The following GCNT1 variants were observed in gnomAD, a reference collection of about 807,000 sequenced individuals.
GCNT1 encodes beta-1,3-galactosyl-O-glycosyl-glycoprotein beta-1,6-N-acetylglucosaminyltransferase.
GCNT1 carries 16 observed loss-of-function variants against 26.2 expected under a neutral mutation model. That is an observed-to-expected ratio of 0.61 (90% CI 0.41 to 0.93). The LOEUF (loss-of-function observed/expected upper bound fraction) is 0.93, where lower values mean the gene tolerates loss of function less well. Among genes scored for constraint, GCNT1 ranks in the 40% least tolerant of loss-of-function variants. The pLI, the probability that GCNT1 is intolerant of heterozygous loss-of-function variation, is 0.00. For missense variants in GCNT1, 477 were observed against 526.7 expected (o/e 0.91, Z 0.92); for synonymous variants, 183 against 190.8 (o/e 0.96, Z 0.34).
upstream of GCNT1, among the ~76,000 whole-genome samples, chr9:76,415,458 T>C (rs1823124803): frequency 6.6e-6 from 1 of 152,220 alleles, no homozygotes; most frequent in South Asian, 2.1e-4. Flanking sequence ...TCTCACATAT[T>C]TGTCAGAGTC....
At chr9:76,464,301 C>T (rs1400900487) in intron 2 of GCNT1, among the ~76,000 whole-genome samples, 2 of 152,138 alleles carry the variant, frequency 1.3e-5, no homozygotes, top group African/African-American at 2.4e-5. Context: ...ACTGCAACCT[C>T]CACCTCCCAG....
At chr9:76,450,414 T>C (rs1458069483) in intron 1 of GCNT1, among the ~76,000 whole-genome samples, 1 of 152,258 alleles carries the variant, frequency 6.6e-6, no homozygotes, top group Non-Finnish European at 1.5e-5. Flanking sequence ...CTGAAATCTT[T>C]GTGTATTTGT....
chr9:76,498,229 G>A (rs1824963349), intron 2 of GCNT1, among the ~76,000 whole-genome samples: 1 of 152,050 alleles, frequency 6.6e-6, no homozygotes, highest in African/African-American at 2.4e-5. Context: ...TCAGTTCACG[G>A]TCATTTGGCT....
intron 1 of GCNT1, among the ~76,000 whole-genome samples, chr9:76,427,657 A>G (rs113987382): frequency 6.6e-4 from 100 of 152,330 alleles, no homozygotes; most frequent in African/African-American, 2.1e-3. Flanking sequence ...TAGTTTATAC[A>G]TGTGAAAAAT....
intron 3 of GCNT1, among the ~76,000 whole-genome samples, chr9:76,501,371 T>G (rs934747250): frequency 6.6e-6 from 1 of 152,230 alleles, no homozygotes; most frequent in Non-Finnish European, 1.5e-5. Flanking sequence ...ATAGTAAAAG[T>G]GGGTTGTGTT....
intron 2 of GCNT1, among the ~76,000 whole-genome samples, chr9:76,460,733 A>G (rs1414303821): frequency 6.7e-6 from 1 of 149,582 alleles, no homozygotes; most frequent in Non-Finnish European, 1.5e-5. Context: ...AATACAATAT[A>G]CCAAACTATG....
upstream of GCNT1, among the ~76,000 whole-genome samples, chr9:76,441,372 C>T (rs1823481953): frequency 2.0e-5 from 3 of 152,098 alleles, no homozygotes; most frequent in Non-Finnish European, 4.4e-5. Context: ...TCTCAAACTC[C>T]TGACTTCAGG....
chr9:76,400,313 AC>A, the GCNT1 span, among the ~76,000 whole-genome samples: 1 of 152,064 alleles, frequency 6.6e-6, no homozygotes, highest in Non-Finnish European at 1.5e-5. Flanking sequence ...CACCTTCCAC[AC>A]CTAAATAGTT....
chr9:76,417,159 A>G (rs981647773), upstream of GCNT1, among the ~76,000 whole-genome samples: 9 of 152,248 alleles, frequency 5.9e-5, no homozygotes, highest in African/African-American at 2.2e-4. Flanking sequence ...GTTATTTATG[A>G]AGCTCATGAA....
intron 1 of GCNT1, among the ~76,000 whole-genome samples, chr9:76,422,575 G>A (rs1388833811): frequency 2.0e-5 from 3 of 151,984 alleles, no homozygotes; most frequent in Non-Finnish European, 4.4e-5. Flanking sequence ...ACAGGGTTTT[G>A]CTCTATCACC....
chr9:76,450,103 A>G (rs1823641174), intron 1 of GCNT1, among the ~76,000 whole-genome samples: 1 of 152,016 alleles, frequency 6.6e-6, no homozygotes. Context: ...ATTATATGTA[A>G]CTGATGGTGT....
At chr9:76,430,828 T>G (rs1296888146) in intron 1 of GCNT1, among the ~76,000 whole-genome samples, 1 of 151,976 alleles carries the variant, frequency 6.6e-6, no homozygotes, top group Non-Finnish European at 1.5e-5. Flanking sequence ...GGAATACAGG[T>G]GTACACCAAA....
intron 2 of GCNT1, among the ~76,000 whole-genome samples, chr9:76,495,968 G>A (rs539502103): frequency 3.3e-5 from 5 of 152,202 alleles, no homozygotes; most frequent in Non-Finnish European, 4.4e-5. Context: ...GACTGTTTGG[G>A]GGTCTCCCAG....
chr9:76,413,085 G>C, the GCNT1 span, among the ~76,000 whole-genome samples: 1 of 152,190 alleles, frequency 6.6e-6, no homozygotes, highest in Non-Finnish European at 1.5e-5. Flanking sequence ...GCATGCTGCT[G>C]TCTTCTCTCT....
chr9:76,490,935 C>G (rs901620006), intron 2 of GCNT1, among the ~76,000 whole-genome samples: 6 of 152,252 alleles, frequency 3.9e-5, no homozygotes, highest in African/African-American at 1.2e-4. Context: ...TGTCAGTGGT[C>G]TCAGTGCTTT....
upstream of GCNT1, among the ~76,000 whole-genome samples, chr9:76,419,122 G>C (rs994652464): frequency 8.5e-5 from 13 of 152,072 alleles, no homozygotes; most frequent in African/African-American, 3.1e-4. Flanking sequence ...CTCCTCTATG[G>C]CTGCATAATC....
At chr9:76,406,774 C>T in the GCNT1 span, among the ~76,000 whole-genome samples, 1 of 152,136 alleles carries the variant, frequency 6.6e-6, no homozygotes, top group Non-Finnish European at 1.5e-5. Flanking sequence ...GGCACAGTGG[C>T]TCATGACTGT....
intron 2 of GCNT1, among the ~76,000 whole-genome samples, chr9:76,495,984 G>A (rs1048463427): frequency 6.6e-6 from 1 of 152,138 alleles, no homozygotes; most frequent in Non-Finnish European, 1.5e-5. Flanking sequence ...CCCAGTTTAA[G>A]CAAGATATTT....
At chr9:76,481,679 G>A (rs1479063277) in intron 2 of GCNT1, among the ~76,000 whole-genome samples, 1 of 152,066 alleles carries the variant, frequency 6.6e-6, no homozygotes, top group Non-Finnish European at 1.5e-5. Flanking sequence ...TAAAAAAGAA[G>A]ATATTTCCAC....
Sources: allele counts gnomAD v4.1 joint callset (sites outside exome capture counted in the v4.1 genomes callset), GRCh38; gene constraint gnomAD v4.1.1; transcripts MANE v1.5; gene names NCBI Gene and HGNC (gene_info 2026-07-23, HGNC 2026-07-21).